CNTN5: variants seen among roughly 807,000 people sequenced by gnomAD.
CNTN5 encodes contactin 5, also known as contactin-5.
Under a neutral mutation model 129.1 loss-of-function variants are expected in CNTN5, and 77 were observed. The ratio of observed to expected loss-of-function variants is 0.60; its 90% CI spans 0.50 to 0.72. CNTN5 has a LOEUF of 0.72. Among genes scored for constraint, CNTN5 ranks in the 30% least tolerant of loss-of-function variants. The pLI is 0.00. For synonymous variants in CNTN5, 509 were observed against 465.6 expected, an observed-to-expected ratio of 1.09 and a Z score of -1.20; for missense variants, 1,478 against 1,328.8, an observed-to-expected ratio of 1.11 and a Z score of -1.75.
chr11:99,918,548 G>A (rs2136022550), intron 7 of CNTN5, among the ~76,000 whole-genome samples: 1 of 152,200 alleles, frequency 6.6e-6, no homozygotes, highest in Non-Finnish European at 1.5e-5. Context: ...TTGTGAAAGA[G>A]AAAGCAATTA....
At chr11:99,549,091 CCT>C (rs1948395547) in intron 2 of CNTN5, among the ~76,000 whole-genome samples, 2 of 89,282 alleles carry the variant, frequency 2.2e-5, no homozygotes, top group African/African-American at 8.2e-5. Context: ...GGTGTCAATT[CCT>C]TTTTTTTTTT....
At chr11:99,828,445 CAG>C (rs1947037041) in intron 4 of CNTN5, among the ~76,000 whole-genome samples, 1 of 152,090 alleles carries the variant, frequency 6.6e-6, no homozygotes, top group South Asian at 2.1e-4. Context: ...GATGGAAGGG[CAG>C]AGACAGTGAG....
intron 1 of CNTN5, among the ~76,000 whole-genome samples, chr11:99,296,059 T>C (rs1413821086): frequency 6.6e-6 from 1 of 152,052 alleles, no homozygotes; most frequent in Non-Finnish European, 1.5e-5. Context: ...TAAGTGCACT[T>C]AATAGGCCCC....
intron 18 of CNTN5, among the ~76,000 whole-genome samples, chr11:100,283,588 C>G (rs945993469): frequency 2.0e-5 from 3 of 152,154 alleles, no homozygotes; most frequent in Non-Finnish European, 2.9e-5. Flanking sequence ...GGTGGTGAGG[C>G]TTTCAGGAAT....
At chr11:99,937,747 A>G (rs938500221) in intron 7 of CNTN5, among the ~76,000 whole-genome samples, 6 of 152,210 alleles carry the variant, frequency 3.9e-5, no homozygotes, top group African/African-American at 1.4e-4. Flanking sequence ...CAAACAGGCC[A>G]GGAAGATGGG....
intron 4 of CNTN5, among the ~76,000 whole-genome samples, chr11:99,820,228 G>C (rs1194247048): frequency 1.3e-5 from 2 of 152,274 alleles, no homozygotes; most frequent in South Asian, 2.1e-4. Context: ...TATAATTTAG[G>C]ATTAAGACTA....
At chr11:99,405,113 T>C (rs72987893) in intron 2 of CNTN5, among the ~76,000 whole-genome samples, 2,074 of 152,278 alleles carry the variant, frequency 0.014, 28 homozygotes, top group Middle Eastern at 0.031. Flanking sequence ...CCATTGTCTG[T>C]CATTTGTTTC....
chr11:99,484,451 A>G (rs1359146851), intron 2 of CNTN5, among the ~76,000 whole-genome samples: 1 of 152,142 alleles, frequency 6.6e-6, no homozygotes, highest in African/African-American at 2.4e-5. Flanking sequence ...TACTACAGCC[A>G]CTACGGAGAA....
Position 100,123,576 on chromosome 11 carries a change from A to G in CNTN5, c.1580+49282A>G, listed in dbSNP as rs1272145357. 5.3e-5 allele frequency among the ~76,000 whole-genome samples: 8 copies of G among 152,158 alleles called. No individual in the cohort carries two copies. In the East Asian group the frequency reaches 1.4e-3, roughly 26 times the overall value. ...TCTTCCCTAAATTTTTTATTGAACC[A>G]TTAATCAGTCAAACTCCTAAGGAAA... On this transcript the variant is annotated intron_variant, in intron 13 of 24. Transcript: ENST00000524871.
At chr11:99,999,517 G>C (rs1042578634) in intron 8 of CNTN5, among the ~76,000 whole-genome samples, 6 of 152,202 alleles carry the variant, frequency 3.9e-5, no homozygotes, top group Non-Finnish European at 7.3e-5. Flanking sequence ...ACAGGTGCTG[G>C]AGAGGATGTG....
intron 6 of CNTN5, among the ~76,000 whole-genome samples, chr11:99,853,447 T>C (rs1947938953): frequency 6.6e-6 from 1 of 152,042 alleles, no homozygotes; most frequent in South Asian, 2.1e-4. Flanking sequence ...TTACCGAGGC[T>C]GGAGCACAAT....
At chr11:100,284,164 G>C (rs1217786231) in intron 18 of CNTN5, among the ~76,000 whole-genome samples, 1 of 152,080 alleles carries the variant, frequency 6.6e-6, no homozygotes, top group Non-Finnish European at 1.5e-5. Flanking sequence ...AGTGATTCAA[G>C]ACTGTTTTTC....
intron 1 of CNTN5, among the ~76,000 whole-genome samples, chr11:99,279,937 A>G (rs1468331753): frequency 1.3e-5 from 2 of 151,410 alleles, no homozygotes; most frequent in East Asian, 3.9e-4. Flanking sequence ...AGAGGGGGAG[A>G]CACAATCTGA....
At chr11:99,080,362 G>A (rs1180107930) in intron 1 of CNTN5, among the ~76,000 whole-genome samples, 3 of 152,168 alleles carry the variant, frequency 2.0e-5, no homozygotes. Context: ...TAATCACAAA[G>A]TGGTGTGGAG....
intron 3 of CNTN5, among the ~76,000 whole-genome samples, chr11:99,801,629 CTT>C (rs71463594): frequency 1.4e-5 from 2 of 140,644 alleles, no homozygotes; most frequent in African/African-American, 2.5e-5. Context: ...TTTTTTAACT[CTT>C]TTTTAAATTT....
chr11:99,351,842 C>T (rs1315429589), intron 2 of CNTN5, among the ~76,000 whole-genome samples: 3 of 152,150 alleles, frequency 2.0e-5, no homozygotes, highest in Non-Finnish European at 1.5e-5. Flanking sequence ...GCCAAGGAAC[C>T]TCAGATCTCC....
chr11:99,649,597 T>A (rs1952083138), intron 3 of CNTN5, among the ~76,000 whole-genome samples: 1 of 151,840 alleles, frequency 6.6e-6, no homozygotes, highest in Admixed American at 6.6e-5. Context: ...GTAAAGTTAC[T>A]TTGGGTTGAA....
intron 2 of CNTN5, among the ~76,000 whole-genome samples, chr11:99,411,880 A>G (rs1942410945): frequency 6.6e-6 from 1 of 152,190 alleles, no homozygotes; most frequent in African/African-American, 2.4e-5. Flanking sequence ...TAGACTCCAC[A>G]TAGACTAACG....
chr11:99,852,331 A>T (rs546590281), intron 6 of CNTN5, among the ~76,000 whole-genome samples: 1 of 152,228 alleles, frequency 6.6e-6, no homozygotes, highest in Admixed American at 6.5e-5. Context: ...TCAAAAATAC[A>T]TAATTTTATG....
Sources: gnomAD v4.1 joint callset for allele counts (sites outside exome capture counted in the v4.1 genomes callset) on GRCh38, gnomAD v4.1.1 for gene constraint, MANE v1.5 for transcripts, NCBI Gene and HGNC (gene_info 2026-07-23, HGNC 2026-07-21) for gene names.